The following GATAD2B variants were observed in gnomAD, a reference collection of about 807,000 sequenced individuals.
The protein encoded by GATAD2B is GATA zinc finger domain containing 2B, also known as transcriptional repressor p66-beta.
Under a neutral mutation model 64.3 loss-of-function variants are expected in GATAD2B, and 8 were observed. The ratio of observed to expected loss-of-function variants is 0.12; its 90% CI spans 0.07 to 0.22. The LOEUF is 0.22. Among genes scored for constraint, GATAD2B ranks in the 10% least tolerant of loss-of-function variants. The pLI, the probability that GATAD2B is intolerant of heterozygous loss-of-function variation, is 1.00. For synonymous variants in GATAD2B, 281 were observed against 271.3 expected, an observed-to-expected ratio of 1.04 and a Z score of -0.35; for missense variants, 453 against 752.0, an observed-to-expected ratio of 0.60 and a Z score of 4.65.
intron 1 of GATAD2B, among the ~76,000 whole-genome samples, chr1:153,849,718 C>G (rs965530359): frequency 3.3e-5 from 5 of 152,188 alleles, no homozygotes; most frequent in African/African-American, 1.2e-4. Flanking sequence ...GCAACCCCCT[C>G]CTTCCGGTTT....
chr1:153,827,312 G>T (rs1674919624), intron 2 of GATAD2B, among the ~76,000 whole-genome samples: 1 of 151,258 alleles, frequency 6.6e-6, no homozygotes, highest in African/African-American at 2.4e-5. Flanking sequence ...CCCCAACTAG[G>T]GTTATCTATA....
At chr1:153,852,459 A>G in intron 1 of GATAD2B, 1 of 758,066 alleles carries the variant, frequency 1.3e-6, no homozygotes, top group South Asian at 1.4e-5. Context: ...CTGCTAAGTC[A>G]GGTTGCAGGC....
chr1:153,889,530 G>A (rs1677300897), intron 1 of GATAD2B: 1 of 154,002 alleles, frequency 6.5e-6, no homozygotes, highest in South Asian at 2.1e-4. Context: ...AGACTTGTGA[G>A]CCATCCAATT....
At chr1:153,869,344 A>T (rs1676587204) in intron 1 of GATAD2B, among the ~76,000 whole-genome samples, 1 of 151,030 alleles carries the variant, frequency 6.6e-6, no homozygotes, top group Non-Finnish European at 1.5e-5. Flanking sequence ...GTATTTGCCT[A>T]ATGTTTCCAT....
intron 1 of GATAD2B, among the ~76,000 whole-genome samples, chr1:153,901,162 C>T (rs1677757243): frequency 1.3e-5 from 2 of 151,562 alleles, no homozygotes; most frequent in South Asian, 2.1e-4. Flanking sequence ...TGCAGTAAGC[C>T]GCCATAGTGC....
Position 153,823,952 on chromosome 1 carries a change from A to C in GATAD2B, c.335+4061T>G, listed in dbSNP as rs1047826712. Among the ~76,000 whole-genome samples, 30 of 151,222 alleles carry C rather than the reference A, an allele frequency of 2.0e-4. 1 individual carries two copies. The highest frequency in any genetic ancestry group is 7.3e-4 in the African/African-American group (30 of 41,218). ...ACCATGTTGGCCAGGCTGGTCTCGA[A>C]CTCCTGACCTCAGATGATCCTCCCG... On this transcript the variant is annotated intron_variant, in intron 2 of 10. Coordinates refer to ENST00000368655, the MANE Select transcript of GATAD2B (RefSeq NM_020699.4).
chr1:153,878,774 C>CTT (rs71093297), intron 1 of GATAD2B, among the ~76,000 whole-genome samples: 7,695 of 108,064 alleles, frequency 0.071, 599 homozygotes, highest in African/African-American at 0.14. Context: ...TACTTTATTC[C>CTT]TTTTTTTTTT....
chr1:153,916,676 T>A (rs568986565), intron 1 of GATAD2B, among the ~76,000 whole-genome samples: 20 of 152,352 alleles, frequency 1.3e-4, no homozygotes, highest in Non-Finnish European at 2.5e-4. Flanking sequence ...GGCAATAATT[T>A]CATCATTATT....
rs1674483617 is a variant in GATAD2B at position 153,816,424 on chromosome 1, A to G, written c.1065T>C (p.Ala355=). 6.2e-7 allele frequency: 1 copy of G among 1,614,098 alleles called. No individual in the cohort carries two copies. Among genetic ancestry groups the G allele is most frequent in the Admixed American group, 1.7e-5 (1 of 60,000 alleles). Residue 355 remains alanine, a synonymous_variant, in exon 7 of 11, where the codon GCT becomes GCC. Coordinates refer to ENST00000368655, the MANE Select transcript of GATAD2B (RefSeq NM_020699.4). This position sits in a 1 kb window ranked among gnomAD's most constrained non-coding sequence, Gnocchi z 4.9. ...AANSQAAAKL[A]LRKQLEKTLL... ...GTGTCTTTTCCAGCTGTTTGCGAAG[A>G]GCCAATTTGGCTGCAGCCTGTGAGT...
chr1:153,827,205 C>A (rs1196227666), intron 2 of GATAD2B, among the ~76,000 whole-genome samples: 1 of 145,382 alleles, frequency 6.9e-6, no homozygotes, highest in Non-Finnish European at 1.5e-5. Context: ...TCAGGCCACT[C>A]ACTACACGCC....
At chr1:153,889,197 G>C (rs983992261) in intron 1 of GATAD2B, among the ~76,000 whole-genome samples, 1 of 151,856 alleles carries the variant, frequency 6.6e-6, no homozygotes, top group African/African-American at 2.4e-5. Flanking sequence ...TGGCTCACCT[G>C]AGGTCGGGAG....
chr1:153,911,608 C>T lies in GATAD2B; in HGVS notation c.-2+11125G>A, dbSNP rs55680156. On this transcript the variant is annotated intron_variant, in intron 1 of 10. Transcript: ENST00000368655. Reference sequence around the variant, plus strand: ...AAAATCAGCCGGGCATGGTGGTAGGCGCCTGTAATCCCAGCTACTCGGGAG... The same window carrying T: ...AAAATCAGCCGGGCATGGTGGTAGGTGCCTGTAATCCCAGCTACTCGGGAG... Among the ~76,000 whole-genome samples, 1,014 of 152,050 alleles carry T rather than the reference C, an allele frequency of 6.7e-3. 6 individuals are homozygous for T. The highest frequency in any genetic ancestry group is 0.011 in the Non-Finnish European group (738 of 67,974).
At chr1:153,854,521 T>A (rs1676015242) in intron 1 of GATAD2B, among the ~76,000 whole-genome samples, 2 of 152,224 alleles carry the variant, frequency 1.3e-5, no homozygotes, top group African/African-American at 4.8e-5. Flanking sequence ...AGTTCCTCTT[T>A]CATTTGCAGT....
chr1:153,866,551 G>A (rs769828294), intron 1 of GATAD2B, among the ~76,000 whole-genome samples: 1 of 152,134 alleles, frequency 6.6e-6, no homozygotes, highest in African/African-American at 2.4e-5. Flanking sequence ...GGCTGAGCTC[G>A]TTCCAAGCTA....
intron 1 of GATAD2B, among the ~76,000 whole-genome samples, chr1:153,885,127 A>C (rs1677139668): frequency 6.6e-6 from 1 of 152,090 alleles, no homozygotes; most frequent in Non-Finnish European, 1.5e-5. Flanking sequence ...AGTCACTCAT[A>C]CAGCTCACAA....
At chr1:153,861,123 A>G (rs1014909839) in intron 1 of GATAD2B, among the ~76,000 whole-genome samples, 10 of 152,314 alleles carry the variant, frequency 6.6e-5, no homozygotes, top group Admixed American at 5.2e-4. Context: ...GTCGGAAGAA[A>G]GGGTAATCTA....
rs140081126 is a variant in GATAD2B, at chr1:153,889,650, G to A, written c.-2+33083C>T. 102 of 773,364 alleles carry A rather than the reference G, an allele frequency of 1.3e-4. 1 individual carries two copies. In the East Asian group the frequency reaches 3.5e-3, roughly 27 times the overall value. The allele number at this position is 773,364 out of a possible 1,614,324, so 47.9% of individuals were successfully genotyped here. The stretch of plus-strand genomic sequence containing the variant: ...CTGGCAAGAGGAAAGTTGTAGATGC[G>A]TGAACGTCAAATTTAAAATACACTC... On this transcript the variant is annotated intron_variant, in intron 1 of 10. Transcript: ENST00000368655.
At chr1:153,878,903 G>A (rs904038144) in intron 1 of GATAD2B, among the ~76,000 whole-genome samples, 2 of 146,982 alleles carry the variant, frequency 1.4e-5, no homozygotes, top group African/African-American at 2.5e-5. Context: ...TCAGGCTCCC[G>A]AGTAGTTGGG....
At chr1:153,890,773 A>G (rs561820656) in intron 1 of GATAD2B, 2 of 152,362 alleles carry the variant, frequency 1.3e-5, no homozygotes, top group South Asian at 4.1e-4. Flanking sequence ...ACTGTAAGGC[A>G]TGTAGAAAAT....
Sources: allele counts gnomAD v4.1 joint callset (sites outside exome capture counted in the v4.1 genomes callset), GRCh38; gene constraint gnomAD v4.1.1; non-coding constraint Gnocchi (gnomAD v3.1); transcripts MANE v1.5; gene names NCBI Gene and HGNC (gene_info 2026-07-23, HGNC 2026-07-21).